The following PIP4K2A variants were observed in gnomAD, a reference collection of about 807,000 sequenced individuals.
PIP4K2A encodes the protein phosphatidylinositol 5-phosphate 4-kinase type-2 alpha.
A neutral mutation model predicts 42.9 loss-of-function variants in PIP4K2A; 14 were observed. The observed-to-expected ratio is 0.33, with a 90% CI of 0.22 to 0.51. PIP4K2A has a LOEUF of 0.51. Ranked by LOEUF, PIP4K2A falls within the 20% of genes least tolerant of loss-of-function variation. The pLI, the probability that PIP4K2A is intolerant of heterozygous loss-of-function variation, is 0.97. For synonymous variants in PIP4K2A, 192 were observed against 192.2 expected (o/e 1.00, Z 0.01); for missense variants, 434 against 519.8 (o/e 0.83, Z 1.61).
At chr10:22,544,768 G>T (rs535475286) in intron 7 of PIP4K2A, among the ~76,000 whole-genome samples, 1 of 152,194 alleles carries the variant, frequency 6.6e-6, no homozygotes, top group Non-Finnish European at 1.5e-5. Context: ...ACATGGCCCA[G>T]GAGGCCTGGA....
intron 6 of PIP4K2A, among the ~76,000 whole-genome samples, chr10:22,559,798 C>A (rs774721753): frequency 1.1e-4 from 16 of 152,154 alleles, no homozygotes; most frequent in Non-Finnish European, 1.6e-4. Context: ...TCATTTGAAA[C>A]AAGAGATTCT....
chr10:22,663,285 G>A (rs1015877318), intron 1 of PIP4K2A, among the ~76,000 whole-genome samples: 2 of 152,182 alleles, frequency 1.3e-5, no homozygotes, highest in African/African-American at 2.4e-5. Flanking sequence ...GTAGTAAATC[G>A]AGGCTTAGTT....
chr10:22,547,233 G>A (rs1008443085), intron 7 of PIP4K2A, among the ~76,000 whole-genome samples: 3 of 152,160 alleles, frequency 2.0e-5, no homozygotes, highest in Non-Finnish European at 4.4e-5. Context: ...CCTGTTTAAC[G>A]GTTATATCTT....
chr10:22,636,707 G>A lies in PIP4K2A; in HGVS notation c.145-26990C>T, dbSNP rs115379558. 2.7e-3 allele frequency among the ~76,000 whole-genome samples: 404 copies of A among 152,312 alleles called. 1 individual carries two copies. Among genetic ancestry groups the A allele is most frequent in the African/African-American group, 8.7e-3 (363 of 41,572 alleles). On this transcript the variant is annotated intron_variant, in intron 1 of 9. Transcript: ENST00000376573. ...CAGACTTTCAAAATACAAGCCCAGC[G>A]TGTAAATATGTGGACGACTGCATAT...
intron 1 of PIP4K2A, among the ~76,000 whole-genome samples, chr10:22,676,203 A>C (rs996350633): frequency 5.3e-5 from 8 of 152,118 alleles, no homozygotes; most frequent in African/African-American, 1.9e-4. Flanking sequence ...TTCATTTCCC[A>C]AGTTTCTTCT....
chr10:22,638,696 T>C (rs1838719024), intron 1 of PIP4K2A, among the ~76,000 whole-genome samples: 1 of 152,240 alleles, frequency 6.6e-6, no homozygotes, highest in Admixed American at 6.5e-5. Context: ...TCTATTGTTA[T>C]TGTATGTTTG....
At position 22,561,565 on chromosome 10, in the gene PIP4K2A, GTTTTTTTTTTTTT is replaced by G. The variant is rs71394001; in HGVS notation, c.678+6273_678+6285del. 7.0e-5 allele frequency among the ~76,000 whole-genome samples: 8 copies of G among 113,498 alleles called. 1 individual carries two copies. Among genetic ancestry groups the G allele is most frequent in the East Asian group, 2.5e-4 (1 of 4,038 alleles). 74.5% of individuals were successfully genotyped at this position (113,498 alleles called of 152,430 possible). ...TATGTCACCAGAGATTCTCTACGCA[GTTTTTTTTTTTTT>G]TTTTTTTTTTTTTCTGAGACAGGGT... On this transcript the variant is annotated intron_variant, in intron 6 of 9. Transcript: ENST00000376573.
At position 22,588,513 on chromosome 10, in the gene PIP4K2A, T is replaced by G. The variant is rs935619644; in HGVS notation, c.492+3116A>C. ...TATCTACGCTCATTCCAGGCTCCAT[T>G]TTGTGCCTTTATCTTTCTGCCTCTT... On this transcript the variant is annotated intron_variant, in intron 4 of 9. Coordinates refer to ENST00000376573, the MANE Select transcript of PIP4K2A (RefSeq NM_005028.5). Among the ~76,000 whole-genome samples the G allele has an allele frequency of 5.3e-5, 8 of 152,226 alleles. No homozygotes were observed. The East Asian group carries it at 1.5e-3, about 29-fold the overall frequency.
At chr10:22,601,500 T>C (rs1445244936) in intron 3 of PIP4K2A, among the ~76,000 whole-genome samples, 3 of 152,158 alleles carry the variant, frequency 2.0e-5, no homozygotes, top group Non-Finnish European at 4.4e-5. Context: ...TCAGCCTCAG[T>C]GCGTCTCTGA....
intron 1 of PIP4K2A, among the ~76,000 whole-genome samples, chr10:22,650,284 C>A (rs1042604742): frequency 5.9e-5 from 9 of 152,096 alleles, no homozygotes; most frequent in Non-Finnish European, 1.0e-4. Flanking sequence ...GACTGGGTAT[C>A]CCTTTGTCAC....
At chr10:22,559,442 C>T (rs1446304988) in intron 6 of PIP4K2A, among the ~76,000 whole-genome samples, 3 of 152,122 alleles carry the variant, frequency 2.0e-5, no homozygotes, top group African/African-American at 4.8e-5. Context: ...CACCATAAGC[C>T]ATAAGTCATA....
intron 3 of PIP4K2A, among the ~76,000 whole-genome samples, chr10:22,593,352 A>C (rs1390322567): frequency 6.6e-6 from 1 of 152,166 alleles, no homozygotes; most frequent in African/African-American, 2.4e-5. Flanking sequence ...AGAAGGAAAA[A>C]AAAAAATCTA....
intron 6 of PIP4K2A, among the ~76,000 whole-genome samples, chr10:22,557,154 G>C (rs1009778954): frequency 1.3e-5 from 2 of 151,792 alleles, no homozygotes; most frequent in East Asian, 1.9e-4. Context: ...GATTAAAAAA[G>C]GGAAAACGTA....
At chr10:22,683,528 A>C (rs1588705301) in intron 1 of PIP4K2A, among the ~76,000 whole-genome samples, 2 of 152,140 alleles carry the variant, frequency 1.3e-5, no homozygotes, top group Non-Finnish European at 2.9e-5. Flanking sequence ...CCTTCTCCTC[A>C]GTGCTGGGTA....
rs1470085357 is a variant in PIP4K2A at position 22,714,309 on chromosome 10, G to A, written c.18C>T (p.Asn6=). The change falls in exon 1 of 10, where the codon AAC becomes AAT. Residue 6 remains asparagine (N), a synonymous_variant. Transcript: ENST00000376573. The part of the protein sequence containing the change: MATPG[N]LGSSVLASKT... ...TGCTCGCCAGGACAGAGGACCCTAG[G>A]TTGCCGGGGGTCGCCATGGCCGCCT... The A allele has an allele frequency of 1.5e-5, 24 of 1,606,722 alleles. No homozygotes were observed. Among genetic ancestry groups the A allele is most frequent in the Non-Finnish European group, 2.0e-5 (23 of 1,176,430 alleles).
At chr10:22,668,582 A>G (rs553464062) in intron 1 of PIP4K2A, among the ~76,000 whole-genome samples, 1 of 152,342 alleles carries the variant, frequency 6.6e-6, no homozygotes, top group Admixed American at 6.5e-5. Flanking sequence ...TAAGCTCATT[A>G]TTTGGAACTC....
At chr10:22,615,507 T>C (rs1838158430) in intron 1 of PIP4K2A, among the ~76,000 whole-genome samples, 1 of 152,224 alleles carries the variant, frequency 6.6e-6, no homozygotes, top group Admixed American at 6.5e-5. Context: ...AACAGAAAGA[T>C]TTGTGTTAAC....
At chr10:22,546,187 T>A (rs929016114) in intron 7 of PIP4K2A, among the ~76,000 whole-genome samples, 3 of 152,176 alleles carry the variant, frequency 2.0e-5, no homozygotes, top group Non-Finnish European at 4.4e-5. Flanking sequence ...ACAATGCCAC[T>A]CACCTCACAG....
At chr10:22,691,059 A>G (rs1185350566) in intron 1 of PIP4K2A, among the ~76,000 whole-genome samples, 3 of 152,194 alleles carry the variant, frequency 2.0e-5, no homozygotes, top group Non-Finnish European at 4.4e-5. Flanking sequence ...CGATTTTACA[A>G]TAAGAAAACT....
Sources: allele counts gnomAD v4.1 joint callset (sites outside exome capture counted in the v4.1 genomes callset), GRCh38; gene constraint gnomAD v4.1.1; transcripts MANE v1.5; gene names NCBI Gene and HGNC (gene_info 2026-07-23, HGNC 2026-07-21).